Variants in SLC24A2 observed in about 807,000 individuals in gnomAD.
SLC24A2 encodes the protein solute carrier family 24 member 2, also known as sodium/potassium/calcium exchanger 2.
In SLC24A2, 36 loss-of-function variants were observed where a neutral mutation model predicts 62.0. The ratio of observed to expected loss-of-function variants is 0.58; its 90% CI spans 0.44 to 0.77. SLC24A2 has a LOEUF of 0.77. Among genes scored for constraint, SLC24A2 ranks in the 30% least tolerant of loss-of-function variants. The pLI is 0.00. For synonymous variants in SLC24A2, 358 were observed against 294.0 expected (o/e 1.22, Z -2.23); for missense variants, 846 against 817.9 (o/e 1.03, Z -0.42).
At chr9:19,853,667 C>T in the SLC24A2 span, among the ~76,000 whole-genome samples, 1 of 152,278 alleles carries the variant, frequency 6.6e-6, no homozygotes, top group Non-Finnish European at 1.5e-5. Context: ...CCAACTTGAT[C>T]ATGGTGGATA....
At chr9:19,544,126 A>C (rs949962469) in intron 8 of SLC24A2, among the ~76,000 whole-genome samples, 1 of 152,110 alleles carries the variant, frequency 6.6e-6, no homozygotes, top group African/African-American at 2.4e-5. Context: ...AATGGTGTGC[A>C]TATATATTTA....
At chr9:19,928,147 G>C in the SLC24A2 span, 1 of 152,362 alleles carries the variant, frequency 6.6e-6, no homozygotes, top group South Asian at 2.1e-4. Context: ...ACTCTCAGAG[G>C]CCTGGCCAGG....
At chr9:19,528,643 T>G (rs1031047870) in intron 8 of SLC24A2, among the ~76,000 whole-genome samples, 1 of 152,162 alleles carries the variant, frequency 6.6e-6, no homozygotes, top group Non-Finnish European at 1.5e-5. Flanking sequence ...AAAAATAGAT[T>G]GACTCATCTT....
chr9:19,939,073 T>A, the SLC24A2 span, among the ~76,000 whole-genome samples: 2 of 152,236 alleles, frequency 1.3e-5, 1 homozygote, highest in African/African-American at 4.8e-5. Flanking sequence ...ATCACACAGA[T>A]AAATATGTAG....
the SLC24A2 span, among the ~76,000 whole-genome samples, chr9:19,860,513 C>G: frequency 6.6e-6 from 1 of 152,092 alleles, no homozygotes; most frequent in Admixed American, 6.5e-5. Context: ...CAGCACATTC[C>G]CAGCTGTGGT....
chr9:19,866,223 A>G, the SLC24A2 span, among the ~76,000 whole-genome samples: 2 of 152,228 alleles, frequency 1.3e-5, no homozygotes, highest in Admixed American at 6.5e-5. Context: ...GGATGTGGAG[A>G]AAAGGGAACC....
chr9:20,159,027 C>G, the SLC24A2 span, among the ~76,000 whole-genome samples: 2 of 151,578 alleles, frequency 1.3e-5, no homozygotes, highest in Non-Finnish European at 3.0e-5. Context: ...ATTAGGCTTA[C>G]TTACATTCGA....
chr9:20,126,581 A>G, the SLC24A2 span, among the ~76,000 whole-genome samples: 1 of 152,176 alleles, frequency 6.6e-6, no homozygotes, highest in Non-Finnish European at 1.5e-5. Context: ...ACAATTGAAC[A>G]TATTTTTCTT....
chr9:19,540,384 C>A (rs1374844916), intron 8 of SLC24A2, among the ~76,000 whole-genome samples: 1 of 145,952 alleles, frequency 6.9e-6, no homozygotes, highest in African/African-American at 2.6e-5. Flanking sequence ...TTCAGGAGCT[C>A]TTTTAGGGCA....
intron 1 of SLC24A2, among the ~76,000 whole-genome samples, chr9:19,787,689 G>A (rs1230593827): frequency 7.3e-6 from 1 of 137,060 alleles, no homozygotes; most frequent in African/African-American, 2.5e-5. Context: ...TGCACAAGCT[G>A]CCTTCCCTAA....
the SLC24A2 span, among the ~76,000 whole-genome samples, chr9:20,101,548 T>A: frequency 6.6e-6 from 1 of 152,164 alleles, no homozygotes; most frequent in African/African-American, 2.4e-5. Context: ...CTTTTGTGGC[T>A]TCCTAAAGGC....
At chr9:20,102,178 G>T in the SLC24A2 span, among the ~76,000 whole-genome samples, 2 of 152,278 alleles carry the variant, frequency 1.3e-5, no homozygotes, top group East Asian at 3.9e-4. Flanking sequence ...TGTAGATTGA[G>T]TAAGCCCATG....
At chr9:20,005,561 T>C in the SLC24A2 span, among the ~76,000 whole-genome samples, 1 of 151,968 alleles carries the variant, frequency 6.6e-6, no homozygotes, top group East Asian at 1.9e-4. Flanking sequence ...CTCAAGTTTC[T>C]GAGACTCTAA....
intron 2 of SLC24A2, among the ~76,000 whole-genome samples, chr9:19,698,263 G>C (rs1175818632): frequency 6.6e-6 from 1 of 151,846 alleles, no homozygotes; most frequent in East Asian, 1.9e-4. Flanking sequence ...CCAAAACTTT[G>C]TTTTATACAA....
chr9:19,953,848 C>G, the SLC24A2 span, among the ~76,000 whole-genome samples: 1 of 151,716 alleles, frequency 6.6e-6, no homozygotes, highest in Non-Finnish European at 1.5e-5. Context: ...TGCTAAAAAC[C>G]CAGCTTATCA....
At chr9:20,168,473 A>G in the SLC24A2 span, among the ~76,000 whole-genome samples, 6 of 151,998 alleles carry the variant, frequency 3.9e-5, no homozygotes, top group Non-Finnish European at 7.4e-5. Context: ...GCTAATTAAT[A>G]TCTAGAATAT....
chr9:19,939,321 G>A, the SLC24A2 span, among the ~76,000 whole-genome samples: 3 of 152,150 alleles, frequency 2.0e-5, no homozygotes, highest in African/African-American at 4.8e-5. Context: ...CTACTTACAC[G>A]CCTAGGCTAT....
chr9:19,867,426 G>A, the SLC24A2 span, among the ~76,000 whole-genome samples: 2 of 152,114 alleles, frequency 1.3e-5, no homozygotes, highest in African/African-American at 4.8e-5. Context: ...TGTCTTTCTA[G>A]GAATTTGTTC....
rs1047385788 is a variant in SLC24A2 at position 19,512,988 on chromosome 9, C to A, written c.*3165G>T. 6.6e-6 allele frequency: 1 copy of A among 151,494 alleles called. No individual in the cohort carries two copies. The highest frequency in any genetic ancestry group is 1.5e-5 in the Non-Finnish European group (1 of 67,916). The allele number at this position is 151,494 out of a possible 1,614,324, so 9.4% of individuals were successfully genotyped here. On this transcript the variant is annotated 3_prime_UTR_variant, in exon 11 of 11. Coordinates refer to ENST00000341998, the MANE Select transcript of SLC24A2 (RefSeq NM_020344.4). ...AATATATGTGCATGGAACAAACAAC[C>A]TTATGAAATCAGGAAGAAATGTTCC...
Sources: allele counts gnomAD v4.1 joint callset (sites outside exome capture counted in the v4.1 genomes callset), GRCh38; gene constraint gnomAD v4.1.1; transcripts MANE v1.5; gene names NCBI Gene and HGNC (gene_info 2026-07-23, HGNC 2026-07-21).